The following PRELID2 variants were observed in gnomAD, a reference collection of about 807,000 sequenced individuals.
PRELID2 encodes the protein PRELI domain containing 2.
In PRELID2, 25 loss-of-function variants were observed where a neutral mutation model predicts 28.4. The ratio of observed to expected loss-of-function variants is 0.88; its 90% CI spans 0.64 to 1.23. The LOEUF is 1.23. PRELID2 is among the 50% of genes most tolerant of loss of function. The probability of loss-of-function intolerance (pLI) is 0.00; values close to 1 mark genes in which losing one functional copy is unlikely to be tolerated. For synonymous variants in PRELID2, 76 were observed against 71.6 expected (o/e 1.06, Z -0.31); for missense variants, 201 against 214.4 (o/e 0.94, Z 0.39).
At chr5:145,621,994 G>GA (rs960213011) in intron 1 of PRELID2, among the ~76,000 whole-genome samples, 37 of 151,592 alleles carry the variant, frequency 2.4e-4, no homozygotes, top group South Asian at 1.5e-3. Flanking sequence ...AAAACAAAAA[G>GA]AAAAAAAACT....
At chr5:145,531,186 C>A (rs994910435) in intron 1 of PRELID2, among the ~76,000 whole-genome samples, 1 of 152,046 alleles carries the variant, frequency 6.6e-6, no homozygotes, top group African/African-American at 2.4e-5. Context: ...ACATGCAGCC[C>A]GTGTGCATTG....
Position 145,759,638 on chromosome 5 carries a change from T to C in PRELID2, c.*898A>G, listed in dbSNP as rs1757378640. 1 of 152,206 alleles carries C rather than the reference T, an allele frequency of 6.6e-6. No individual in the cohort carries two copies. The highest frequency in any genetic ancestry group is 2.4e-5 in the African/African-American group (1 of 41,448). The allele number at this position is 152,206 out of a possible 1,614,324, so 9.4% of individuals were successfully genotyped here. A position where few individuals can be genotyped will look rare whatever the true frequency, so the allele number is the denominator to read the frequency against. On this transcript the variant is annotated 3_prime_UTR_variant, in exon 7 of 7. Coordinates refer to ENST00000683046, the MANE Select transcript of PRELID2 (RefSeq NM_205846.3). ...AAATGAGATTCAGAAAGATTTAAAATTGTGTTCATGATCACTGAGCAAGTA... is the reference window on the plus strand; with the variant it reads ...AAATGAGATTCAGAAAGATTTAAAACTGTGTTCATGATCACTGAGCAAGTA...
intron 1 of PRELID2, among the ~76,000 whole-genome samples, chr5:145,492,405 T>A (rs1181672041): frequency 7.0e-6 from 1 of 143,278 alleles, no homozygotes; most frequent in Admixed American, 7.0e-5. Context: ...ATTCCTTATA[T>A]ATTTTGGATA....
At chr5:145,331,611 T>C in the PRELID2 span, among the ~76,000 whole-genome samples, 1 of 152,152 alleles carries the variant, frequency 6.6e-6, no homozygotes, top group African/African-American at 2.4e-5. Flanking sequence ...TTTTTTGCTT[T>C]TCATTTGCTT....
chr5:145,769,264 C>A (rs1168047827), intron 5 of PRELID2, among the ~76,000 whole-genome samples: 1 of 152,158 alleles, frequency 6.6e-6, no homozygotes, highest in Non-Finnish European at 1.5e-5. Flanking sequence ...CTATCTTTCT[C>A]TATTTGCCAA....
chr5:145,651,480 T>C (rs2217646), intron 1 of PRELID2, among the ~76,000 whole-genome samples: 152,338 of 152,346 alleles, frequency 1, 76,165 homozygotes, highest in South Asian at 1. Context: ...CCCTGATCCC[T>C]GAGTAGCATA....
chr5:145,237,550 G>C, the PRELID2 span, among the ~76,000 whole-genome samples: 1 of 152,094 alleles, frequency 6.6e-6, no homozygotes, highest in African/African-American at 2.4e-5. Context: ...ATGAAATTGA[G>C]AGGTGGTGAC....
At chr5:145,368,405 G>C in the PRELID2 span, among the ~76,000 whole-genome samples, 3 of 151,780 alleles carry the variant, frequency 2.0e-5, no homozygotes, top group Admixed American at 2.0e-4. Flanking sequence ...GCATCTTCGA[G>C]ACACCTCAAA....
At chr5:145,782,987 G>A (rs1440644172) in intron 5 of PRELID2, among the ~76,000 whole-genome samples, 5 of 152,200 alleles carry the variant, frequency 3.3e-5, no homozygotes, top group Admixed American at 6.5e-5. Flanking sequence ...CTCAGAGAGC[G>A]GCCAAGACAG....
downstream of PRELID2, among the ~76,000 whole-genome samples, chr5:145,470,502 G>A (rs146781701): frequency 1.1e-3 from 165 of 152,178 alleles, 1 homozygote; most frequent in African/African-American, 3.7e-3. Flanking sequence ...AAATGATGAT[G>A]AGATGGGTTA....
At chr5:145,516,787 G>A (rs1257899512) in intron 1 of PRELID2, among the ~76,000 whole-genome samples, 1 of 152,090 alleles carries the variant, frequency 6.6e-6, no homozygotes, top group Non-Finnish European at 1.5e-5. Flanking sequence ...TACCAAAACA[G>A]ATATATAGAC....
intron 1 of PRELID2, among the ~76,000 whole-genome samples, chr5:145,690,292 G>A (rs528805057): frequency 1.3e-5 from 2 of 152,166 alleles, no homozygotes; most frequent in East Asian, 1.9e-4. Flanking sequence ...CGCATCTGGC[G>A]AGGGGATCCT....
chr5:145,747,743 G>A (rs757404338), intron 1 of PRELID2, among the ~76,000 whole-genome samples: 25 of 152,102 alleles, frequency 1.6e-4, no homozygotes, highest in Non-Finnish European at 2.5e-4. Flanking sequence ...GATAAACATC[G>A]ATGCAATAAT....
At chr5:145,771,254 A>G (rs566062967) in intron 5 of PRELID2, among the ~76,000 whole-genome samples, 57 of 152,292 alleles carry the variant, frequency 3.7e-4, no homozygotes, top group African/African-American at 1.3e-3. Flanking sequence ...ACAGATTTAT[A>G]GCCTAGGAAC....
At chr5:145,318,560 C>G in the PRELID2 span, among the ~76,000 whole-genome samples, 1 of 152,196 alleles carries the variant, frequency 6.6e-6, no homozygotes, top group Admixed American at 6.5e-5. Context: ...TTCCCTGGCC[C>G]CCCTCACAAG....
chr5:145,263,854 C>CA, the PRELID2 span, among the ~76,000 whole-genome samples: 6,720 of 123,068 alleles, frequency 0.055, 431 homozygotes, highest in African/African-American at 0.16. Context: ...AAAAAGTTAC[C>CA]AAAAAAAAAA....
intron 1 of PRELID2, among the ~76,000 whole-genome samples, chr5:145,601,273 T>A (rs1025093008): frequency 5.9e-5 from 9 of 151,530 alleles, no homozygotes; most frequent in African/African-American, 2.2e-4. Flanking sequence ...AAACAGTTGA[T>A]GAAAAAACTG....
At chr5:145,447,319 G>C in the PRELID2 span, among the ~76,000 whole-genome samples, 1 of 151,768 alleles carries the variant, frequency 6.6e-6, no homozygotes, top group East Asian at 1.9e-4. Context: ...CAGGATATAT[G>C]AATAATGGCT....
At chr5:145,332,711 A>G in the PRELID2 span, among the ~76,000 whole-genome samples, 1 of 139,664 alleles carries the variant, frequency 7.2e-6, no homozygotes, top group Non-Finnish European at 1.6e-5. Flanking sequence ...TTGGGTTAGA[A>G]CATGCTTTTT....
Sources: allele counts gnomAD v4.1 joint callset (sites outside exome capture counted in the v4.1 genomes callset), GRCh38; gene constraint gnomAD v4.1.1; transcripts MANE v1.5; gene names NCBI Gene and HGNC (gene_info 2026-07-23, HGNC 2026-07-21).